ZNF439: variants seen among roughly 807,000 people sequenced by gnomAD.
ZNF439 encodes zinc finger protein 439.
A neutral mutation model predicts 47.3 loss-of-function variants in ZNF439; 40 were observed. That is an observed-to-expected ratio of 0.85 (90% CI 0.66 to 1.10). The LOEUF is 1.10. Ranked by LOEUF, ZNF439 falls within the 50% of genes least tolerant of loss-of-function variation. ZNF439 has a pLI of 0.00. For synonymous variants in ZNF439, 171 were observed against 198.8 expected, an observed-to-expected ratio of 0.86 and a Z score of 1.18; for missense variants, 556 against 601.1, an observed-to-expected ratio of 0.93 and a Z score of 0.78.
intron 1 of ZNF439, chr19:11,855,921 A>T (rs1416433450): frequency 6.6e-6 from 1 of 152,176 alleles, no homozygotes; most frequent in East Asian, 1.9e-4. Flanking sequence ...CATGGGTTGT[A>T]CCGGAGGGAC....
chr19:11,863,636 A>T (rs1002247668), intron 1 of ZNF439, among the ~76,000 whole-genome samples: 1 of 152,162 alleles, frequency 6.6e-6, no homozygotes, highest in African/African-American at 2.4e-5. Flanking sequence ...TTTTGAATGA[A>T]GTCCAATTTA....
intron 1 of ZNF439, among the ~76,000 whole-genome samples, chr19:11,854,108 T>A (rs577474099): frequency 6.6e-6 from 1 of 152,346 alleles, no homozygotes; most frequent in Non-Finnish European, 1.5e-5. Flanking sequence ...AGCTTTGTGC[T>A]TGTTCCCCTA....
chr19:11,854,146 C>T (rs189711823), intron 1 of ZNF439, among the ~76,000 whole-genome samples: 20 of 152,332 alleles, frequency 1.3e-4, no homozygotes, highest in Admixed American at 1.3e-3. Flanking sequence ...TTCAACATTG[C>T]CACTTCAGTT....
chr19:11,852,346 A>G (rs960984993), intron 1 of ZNF439, among the ~76,000 whole-genome samples: 1 of 152,236 alleles, frequency 6.6e-6, no homozygotes, highest in Non-Finnish European at 1.5e-5. Context: ...AACATTTTAT[A>G]AAACAGTATA....
At chr19:11,866,023 T>TA (rs111347788) in intron 1 of ZNF439, 182 bp from the exon 2 acceptor site, 41,195 of 1,119,454 alleles carry the variant, frequency 0.037, 179 homozygotes, top group Non-Finnish European at 0.042. Context: ...CTCAAAAAAA[T>TA]AAAAAAAAAA....
chr19:11,865,958 T>G (rs1238972317), intron 1 of ZNF439: 2 of 1,204,336 alleles, frequency 1.7e-6, no homozygotes, highest in East Asian at 6.7e-5. Context: ...ACCCCGGCAG[T>G]GAGCCGAGAT....
At chr19:11,854,736 A>G (rs1199882905) in intron 1 of ZNF439, among the ~76,000 whole-genome samples, 1 of 152,144 alleles carries the variant, frequency 6.6e-6, no homozygotes, top group Non-Finnish European at 1.5e-5. Flanking sequence ...CAAGCTTGGC[A>G]ACAGAGCAAG....
At position 11,865,712 on chromosome 19, in the gene ZNF439, CAAAA is replaced by C. The variant is rs71166640; in HGVS notation, c.64-468_64-465del. 6.1e-5 allele frequency among the ~76,000 whole-genome samples: 5 copies of C among 82,008 alleles called. No individual in the cohort carries two copies. In the East Asian group the frequency reaches 1.4e-3, roughly 23 times the overall value. 53.8% of individuals were successfully genotyped at this position (82,008 alleles called of 152,430 possible). A position where few individuals can be genotyped will look rare whatever the true frequency, so the allele number is the denominator to read the frequency against. On this transcript the variant is annotated intron_variant, in intron 1 of 3. Coordinates refer to ENST00000682736, the MANE Select transcript of ZNF439 (RefSeq NM_001348719.2). ...CAGCTGACAGAGCGATACACTATCA[CAAAA>C]AAAAAAAAAAAAAAAAAAAAAAAAT...
chr19:11,854,551 A>T (rs978694002), intron 1 of ZNF439, among the ~76,000 whole-genome samples: 5 of 152,210 alleles, frequency 3.3e-5, no homozygotes, highest in African/African-American at 1.2e-4. Flanking sequence ...CAAGGTCAGG[A>T]GTTCGAGACC....
intron 1 of ZNF439, among the ~76,000 whole-genome samples, chr19:11,854,899 C>T (rs936019489): frequency 2.6e-5 from 4 of 152,206 alleles, no homozygotes; most frequent in Admixed American, 2.6e-4. Flanking sequence ...GGATTAAAAA[C>T]ACAAACCGTA....
chr19:11,867,737 T>C lies in ZNF439; in HGVS notation c.683T>C (p.Phe228Ser). 1 of 1,614,188 alleles carries C rather than the reference T, an allele frequency of 6.2e-7. No homozygotes were observed. The highest frequency in any genetic ancestry group is 8.5e-7 in the Non-Finnish European group (1 of 1,180,012). Residue 228 changes from phenylalanine to serine, a missense_variant, in exon 4 of 4, where the codon TTC (phenylalanine) becomes TCC (serine). Physicochemically the swap from Phe to Ser is radical, Grantham distance 155. Coordinates refer to ENST00000682736, the MANE Select transcript of ZNF439 (RefSeq NM_001348719.2). Reference sequence around the variant, plus strand: ...AAATGTAAGTTTTGTGGGAAAGCATTCCATTGTCTCAGTTTATATCTTATC... The same window carrying C: ...AAATGTAAGTTTTGTGGGAAAGCATCCCATTGTCTCAGTTTATATCTTATC... ...PYKCKFCGKA[F>S]HCLSLYLIHE...
intron 1 of ZNF439, chr19:11,865,933 A>C: frequency 1.1e-6 from 1 of 933,686 alleles, no homozygotes. Flanking sequence ...AGGCTGAGGC[A>C]GAAGAAGCAC....
chr19:11,848,811 G>A lies in ZNF439; in HGVS notation c.-57G>A. 1.4e-6 allele frequency: 2 copies of A among 1,473,600 alleles called. No individual in the cohort carries two copies. Among genetic ancestry groups the A allele is most frequent in the Non-Finnish European group, 1.8e-6 (2 of 1,096,486 alleles). The allele number at this position is 1,473,600 out of a possible 1,614,324, so 91.3% of individuals were successfully genotyped here. On this transcript the variant is annotated 5_prime_UTR_variant, in exon 1 of 4. Transcript: ENST00000682736. ...CGGCGGTTGGGATCTGGCCTTTCCA[G>A]CCCCGAGAGGGACCTAGTGCCTCTA...
At chr19:11,864,355 T>C (rs538287448) in intron 1 of ZNF439, among the ~76,000 whole-genome samples, 2 of 152,258 alleles carry the variant, frequency 1.3e-5, no homozygotes, top group South Asian at 4.1e-4. Flanking sequence ...TAGAGTGCAA[T>C]GGTGGGATTT....
chr19:11,864,307 G>C (rs1409012431), intron 1 of ZNF439, among the ~76,000 whole-genome samples: 5 of 151,882 alleles, frequency 3.3e-5, no homozygotes, highest in African/African-American at 9.7e-5. Context: ...CTCATTTTTT[G>C]TTTGATTTGA....
At chr19:11,862,501 T>G (rs1262596953) in intron 1 of ZNF439, among the ~76,000 whole-genome samples, 2 of 152,124 alleles carry the variant, frequency 1.3e-5, no homozygotes, top group Admixed American at 1.3e-4. Context: ...GTGGGAGGAC[T>G]TTTGTGTGGA....
chr19:11,865,858 T>A, intron 1 of ZNF439: 1 of 278,692 alleles, frequency 3.6e-6, no homozygotes, highest in Non-Finnish European at 6.1e-6. Context: ...AGAAACCCTG[T>A]CTCTACTAAA....
At chr19:11,855,462 A>G (rs948265125) in intron 1 of ZNF439, among the ~76,000 whole-genome samples, 11 of 152,238 alleles carry the variant, frequency 7.2e-5, no homozygotes, top group East Asian at 1.9e-4. Context: ...ACCATGCTTG[A>G]GCTTGAATTA....
rs375747662 is a variant in ZNF439, at chr19:11,866,678, A to G, written c.251+81A>G. ...GACTATGTTAAAAATAAGTAAAACAAAGAACTAAGTCCAGGATCAAGTTCA... is the reference window on the plus strand; with the variant it reads ...GACTATGTTAAAAATAAGTAAAACAGAGAACTAAGTCCAGGATCAAGTTCA... On this transcript the variant is annotated intron_variant, in intron 3 of 3. Transcript: ENST00000682736. 1.2e-4 allele frequency: 162 copies of G among 1,400,018 alleles called. 1 individual carries two copies. In the South Asian group the frequency reaches 1.9e-3, roughly 17 times the overall value. The allele number at this position is 1,400,018 out of a possible 1,614,324, so 86.7% of individuals were successfully genotyped here.
Sources: allele counts gnomAD v4.1 joint callset (sites outside exome capture counted in the v4.1 genomes callset), GRCh38; gene constraint gnomAD v4.1.1; transcripts MANE v1.5; gene names NCBI Gene and HGNC (gene_info 2026-07-23, HGNC 2026-07-21).